Variants in SMOC2 observed in about 807,000 individuals in gnomAD.
The protein encoded by SMOC2 is SPARC related modular calcium binding 2.
Under a neutral mutation model 61.4 loss-of-function variants are expected in SMOC2, and 39 were observed. The observed-to-expected ratio is 0.64, with a 90% CI of 0.49 to 0.83. SMOC2 has a LOEUF of 0.83. SMOC2 is among the 40% of genes least tolerant of loss of function. The pLI is 0.00. For synonymous variants in SMOC2, 247 were observed against 239.9 expected, an observed-to-expected ratio of 1.03 and a Z score of -0.27; for missense variants, 556 against 592.9, an observed-to-expected ratio of 0.94 and a Z score of 0.65.
chr6:168,547,183 G>A lies in SMOC2; in HGVS notation c.562+14G>A. 1 of 1,613,460 alleles carries A rather than the reference G, an allele frequency of 6.2e-7. No individual in the cohort carries two copies. Among genetic ancestry groups the A allele is most frequent in the Non-Finnish European group, 8.5e-7 (1 of 1,179,538 alleles). On this transcript the variant is annotated intron_variant, in intron 6 of 12. Coordinates refer to ENST00000356284, the MANE Select transcript of SMOC2 (RefSeq NM_001166412.2). ...GAGATGAAGAAGGTGAGCCGGGGTG[G>A]GGATTGCACAGTCTGGGTTGGGGAG...
In SMOC2 at chr6:168,602,932, A is replaced by G. The variant is rs146279876; in HGVS notation, c.824+3928A>G. ...GTGGTGTGTTTGAATGGGGAGTGAC[A>G]GGGTTTGGCTGTGTCCCCACCCAAA... On this transcript the variant is annotated intron_variant, in intron 8 of 12. Coordinates refer to ENST00000356284, the MANE Select transcript of SMOC2 (RefSeq NM_001166412.2). 3.9e-3 allele frequency among the ~76,000 whole-genome samples: 589 copies of G among 152,180 alleles called. 3 individuals are homozygous for G. The highest frequency in any genetic ancestry group is 6.4e-3 in the Non-Finnish European group (437 of 67,990).
At chr6:168,653,361 G>A (rs1787247666) in intron 11 of SMOC2, 133 bp downstream of exon 11, 1 of 1,065,402 alleles carries the variant, frequency 9.4e-7, no homozygotes, top group South Asian at 1.6e-5. Context: ...CTGTTTAATT[G>A]TTGGGCGTCT....
chr6:168,544,452 C>G lies in SMOC2; in HGVS notation c.511+780C>G, dbSNP rs1449141096. Among the ~76,000 whole-genome samples, 1 of 152,158 alleles carries G rather than the reference C, an allele frequency of 6.6e-6. No individual in the cohort carries two copies. Among genetic ancestry groups the G allele is most frequent in the African/African-American group, 2.4e-5 (1 of 41,440 alleles). On this transcript the variant is annotated intron_variant, in intron 5 of 12. Transcript: ENST00000356284. The surrounding 1 kb of genome is among the most constrained non-coding windows in gnomAD (Gnocchi z 4.1). ...ACAGACCAGGCCGAGGCAGGCAGATCACCTGAGGTCAGGAGTTTGAGACCA... is the reference window on the plus strand; with the variant it reads ...ACAGACCAGGCCGAGGCAGGCAGATGACCTGAGGTCAGGAGTTTGAGACCA...
chr6:168,556,282 A>AGCT (rs998611462), intron 7 of SMOC2, among the ~76,000 whole-genome samples: 14 of 152,166 alleles, frequency 9.2e-5, no homozygotes, highest in Admixed American at 3.3e-4. Flanking sequence ...AACCAGGGGA[A>AGCT]GCTGCGGGCT....
intron 8 of SMOC2, among the ~76,000 whole-genome samples, chr6:168,606,099 A>AGAGCTTCCTAATCCCTCAGGAAGC (rs1785680242): frequency 6.6e-6 from 1 of 152,206 alleles, no homozygotes; most frequent in Non-Finnish European, 1.5e-5. Flanking sequence ...AGTAAAAATA[A>AGAGCTTCCTAATCCCTCAGGAAGC]GAGCTTCCTA....
At position 168,453,504 on chromosome 6, in the gene SMOC2, T is replaced by C. The variant is rs1366657336; in HGVS notation, c.84+12050T>C. On this transcript the variant is annotated intron_variant, in intron 1 of 12. Coordinates refer to ENST00000356284, the MANE Select transcript of SMOC2 (RefSeq NM_001166412.2). This position sits in a 1 kb window ranked among gnomAD's most constrained non-coding sequence, Gnocchi z 4.4. Reference sequence around the variant, plus strand: ...CAGTTTCTGCCATTCTCTCGCTCTCTTTTTTGTCTCTCTGTCTCTCTCTGT... The same window carrying C: ...CAGTTTCTGCCATTCTCTCGCTCTCCTTTTTGTCTCTCTGTCTCTCTCTGT... 6.6e-6 allele frequency among the ~76,000 whole-genome samples: 1 copy of C among 152,060 alleles called. No homozygotes were observed. The highest frequency in any genetic ancestry group is 1.5e-5 in the Non-Finnish European group (1 of 68,012).
chr6:168,563,993 G>T (rs1372325088), intron 7 of SMOC2, among the ~76,000 whole-genome samples: 2 of 152,120 alleles, frequency 1.3e-5, no homozygotes, highest in African/African-American at 4.8e-5. Flanking sequence ...GAACCTCTGG[G>T]GTGGGTGGGG....
At chr6:168,663,925 G>T (rs1787585925) in intron 11 of SMOC2, 149 bp from the exon 12 acceptor site, 4 of 630,390 alleles carry the variant, frequency 6.3e-6, no homozygotes, top group African/African-American at 3.7e-5. Context: ...ACTGAGGAAT[G>T]ACTGTATGTG....
intron 9 of SMOC2, among the ~76,000 whole-genome samples, chr6:168,638,502 G>T (rs531236542): frequency 6.6e-6 from 1 of 152,180 alleles, no homozygotes; most frequent in Non-Finnish European, 1.5e-5. Flanking sequence ...TTTAGCCGCA[G>T]AGCTGCTGGA....
chr6:168,498,885 G>C (rs925113883), intron 1 of SMOC2, among the ~76,000 whole-genome samples: 2 of 132,308 alleles, frequency 1.5e-5, no homozygotes, highest in African/African-American at 5.4e-5. Flanking sequence ...CACAGTCTCT[G>C]GGGGGACAGC....
At chr6:168,546,983 G>C (rs908143758) in intron 5 of SMOC2, 136 bp from the exon 6 acceptor site, 113 of 984,470 alleles carry the variant, frequency 1.1e-4, no homozygotes, top group Non-Finnish European at 1.7e-4. Flanking sequence ...CATCGCGTTG[G>C]GTCTGTGTGG....
chr6:168,569,912 T>TAAA (rs1784625913), intron 7 of SMOC2, among the ~76,000 whole-genome samples: 1 of 152,248 alleles, frequency 6.6e-6, no homozygotes, highest in African/African-American at 2.4e-5. Flanking sequence ...AGGTTGTCTT[T>TAAA]AAAGAGTCAT....
intron 9 of SMOC2, among the ~76,000 whole-genome samples, chr6:168,649,844 G>C (rs1269071163): frequency 1.3e-5 from 2 of 152,218 alleles, no homozygotes; most frequent in Non-Finnish European, 1.5e-5. Flanking sequence ...CTGGGCATAA[G>C]GACACGGGAT....
chr6:168,522,526 C>T (rs1452108441), intron 2 of SMOC2, among the ~76,000 whole-genome samples: 1 of 152,170 alleles, frequency 6.6e-6, no homozygotes, highest in Non-Finnish European at 1.5e-5. Context: ...AGGAACATGG[C>T]TCTGAAACAT....
At chr6:168,476,283 C>T (rs796192572) in intron 1 of SMOC2, among the ~76,000 whole-genome samples, 49 of 152,192 alleles carry the variant, frequency 3.2e-4, no homozygotes, top group African/African-American at 1.1e-3. Context: ...CAATCACTCA[C>T]TAGTTAATCA....
intron 1 of SMOC2, among the ~76,000 whole-genome samples, chr6:168,450,944 A>G (rs776518011): frequency 1.3e-5 from 2 of 152,142 alleles, no homozygotes; most frequent in African/African-American, 4.8e-5. Flanking sequence ...TTTTTATTCA[A>G]ACTAGATTTT....
chr6:168,484,329 A>AT (rs1459084455), intron 1 of SMOC2, among the ~76,000 whole-genome samples: 9 of 152,180 alleles, frequency 5.9e-5, no homozygotes, highest in Non-Finnish European at 8.8e-5. Context: ...CACTAAGGAC[A>AT]TGAAAACATG....
intron 9 of SMOC2, among the ~76,000 whole-genome samples, chr6:168,639,407 G>A (rs181734199): frequency 1.1e-4 from 16 of 152,216 alleles, no homozygotes; most frequent in South Asian, 8.3e-4. Context: ...AAATATGACC[G>A]TTGTACATGT....
intron 1 of SMOC2, among the ~76,000 whole-genome samples, chr6:168,490,258 T>A (rs1162251039): frequency 6.6e-6 from 1 of 150,520 alleles, no homozygotes; most frequent in African/African-American, 2.5e-5. Context: ...TGGATCACAC[T>A]GTTTTAGAAT....
Sources: allele counts gnomAD v4.1 joint callset (sites outside exome capture counted in the v4.1 genomes callset), GRCh38; gene constraint gnomAD v4.1.1; non-coding constraint Gnocchi (gnomAD v3.1); transcripts MANE v1.5; gene names NCBI Gene and HGNC (gene_info 2026-07-23, HGNC 2026-07-21).